SMIM35: variants seen among roughly 807,000 people sequenced by gnomAD.
SMIM35 encodes the protein TMPRSS4 antisense RNA 1 (non-protein coding).
At chr11:118,081,034 T>C (rs2135212370) in intron 1 of SMIM35, among the ~76,000 whole-genome samples, 1 of 152,344 alleles carries the variant, frequency 6.6e-6, no homozygotes, top group East Asian at 1.9e-4. Context: ...CTGTGTCTTT[T>C]CTGCTTTTAG....
At chr11:118,070,334 G>A (rs536646446) in intron 1 of SMIM35, among the ~76,000 whole-genome samples, 16 of 152,108 alleles carry the variant, frequency 1.1e-4, no homozygotes, top group African/African-American at 2.9e-4. Flanking sequence ...CTACCACCAC[G>A]CCCAGCTAAT....
At chr11:118,065,668 G>A (rs1565396832) in intron 1 of SMIM35, among the ~76,000 whole-genome samples, 1 of 152,102 alleles carries the variant, frequency 6.6e-6, no homozygotes, top group Non-Finnish European at 1.5e-5. Context: ...CATTTACATA[G>A]GGTGTACACT....
At chr11:118,031,662 C>T (rs1297449451) in intron 1 of SMIM35, among the ~76,000 whole-genome samples, 1 of 152,072 alleles carries the variant, frequency 6.6e-6, no homozygotes, top group Non-Finnish European at 1.5e-5. Flanking sequence ...GTTTACTGCA[C>T]AATGGCATAC....
chr11:118,079,483 C>T (rs891403667), intron 1 of SMIM35, among the ~76,000 whole-genome samples: 1 of 152,164 alleles, frequency 6.6e-6, no homozygotes, highest in Non-Finnish European at 1.5e-5. Context: ...GCCCTGTCCC[C>T]GAAGGAAATG....
intron 1 of SMIM35, among the ~76,000 whole-genome samples, chr11:118,080,777 C>A (rs2135209071): frequency 6.6e-6 from 1 of 152,320 alleles, no homozygotes; most frequent in East Asian, 1.9e-4. Context: ...CAGAAACGCC[C>A]CAGGGCAGCA....
chr11:118,027,329 C>CT (rs142012643), intron 1 of SMIM35, among the ~76,000 whole-genome samples: 14,980 of 148,168 alleles, frequency 0.1, 1,028 homozygotes, highest in East Asian at 0.36. Context: ...GCCCGGCCCA[C>CT]TTTTTTTTTT....
chr11:118,030,617 C>T (rs2058310379), intron 1 of SMIM35, among the ~76,000 whole-genome samples: 1 of 152,086 alleles, frequency 6.6e-6, no homozygotes, highest in Non-Finnish European at 1.5e-5. Context: ...TGGAGAAGGG[C>T]TGCTTAGCAC....
At chr11:118,075,548 G>A (rs904457154) in intron 1 of SMIM35, among the ~76,000 whole-genome samples, 1 of 152,190 alleles carries the variant, frequency 6.6e-6, no homozygotes, top group African/African-American at 2.4e-5. Flanking sequence ...AGAGAACCAG[G>A]TTCCAGCCCC....
At chr11:118,071,941 A>G (rs1944577822) in intron 1 of SMIM35, among the ~76,000 whole-genome samples, 1 of 152,168 alleles carries the variant, frequency 6.6e-6, no homozygotes, top group African/African-American at 2.4e-5. Context: ...ATGGGCACAC[A>G]TACCTTGAGC....
chr11:118,067,878 T>C (rs2135134639), intron 1 of SMIM35, among the ~76,000 whole-genome samples: 1 of 66,012 alleles, frequency 1.5e-5, no homozygotes, highest in Admixed American at 1.7e-4. Flanking sequence ...TATATATATA[T>C]ATATATATAT....
At chr11:118,038,084 C>G (rs1169963303) in intron 1 of SMIM35, among the ~76,000 whole-genome samples, 2 of 152,172 alleles carry the variant, frequency 1.3e-5, no homozygotes, top group Non-Finnish European at 2.9e-5. Context: ...TCCCACTGCT[C>G]AGACCTGTAG....
chr11:118,084,129 G>T (rs961480264), intron 1 of SMIM35, among the ~76,000 whole-genome samples: 2 of 152,126 alleles, frequency 1.3e-5, no homozygotes, highest in Non-Finnish European at 2.9e-5. Context: ...TTAGGAGGGA[G>T]ACTTACTGCA....
intron 1 of SMIM35, among the ~76,000 whole-genome samples, chr11:118,044,315 G>GAA (rs34422344): frequency 0.016 from 2,093 of 134,462 alleles, 29 homozygotes; most frequent in Non-Finnish European, 0.02. Context: ...TGGCAGAATT[G>GAA]AAAAAAAAAA....
chr11:118,050,843 G>C (rs1424810234), intron 1 of SMIM35, among the ~76,000 whole-genome samples: 3 of 152,180 alleles, frequency 2.0e-5, no homozygotes, highest in Non-Finnish European at 4.4e-5. Flanking sequence ...GATGCATCTT[G>C]AATCCCAGAC....
intron 1 of SMIM35, among the ~76,000 whole-genome samples, chr11:118,024,359 C>T (rs2058256858): frequency 1.3e-5 from 2 of 152,130 alleles, no homozygotes; most frequent in South Asian, 4.1e-4. Context: ...TTTAACTAAA[C>T]CATATGTATA....
chr11:118,021,906 A>G (rs769815811), intron 1 of SMIM35, among the ~76,000 whole-genome samples: 1 of 152,250 alleles, frequency 6.6e-6, no homozygotes, highest in African/African-American at 2.4e-5. Context: ...CAACACTGCC[A>G]GCTAACTTGA....
intron 1 of SMIM35, among the ~76,000 whole-genome samples, chr11:118,048,544 AGGAAGGAAGGAAGGAAGGAAGGAAGGAAG>A (rs1682684131): frequency 6.1e-5 from 1 of 16,422 alleles, no homozygotes; most frequent in African/African-American, 1.3e-4. Context: ...GAAAGAAGGA[AGGAAGGAAGGAAGGAAGGAAGGAAGGAAG>A]GAAGGAAGGA....
chr11:118,067,966 C>G (rs1258855890), intron 1 of SMIM35, among the ~76,000 whole-genome samples: 10 of 147,622 alleles, frequency 6.8e-5, no homozygotes, highest in African/African-American at 2.5e-4. Context: ...AGAAGTTTCT[C>G]TATTTTTTCG....
At chr11:118,029,332 T>C (rs1240693785) in intron 1 of SMIM35, among the ~76,000 whole-genome samples, 1 of 152,236 alleles carries the variant, frequency 6.6e-6, no homozygotes, top group Non-Finnish European at 1.5e-5. Context: ...GGCACACGCA[T>C]GTAGCCCCAG....
Sources: gnomAD v4.1 joint callset for allele counts (sites outside exome capture counted in the v4.1 genomes callset) on GRCh38, gnomAD v4.1.1 for gene constraint, MANE v1.5 for transcripts, NCBI Gene and HGNC (gene_info 2026-07-23, HGNC 2026-07-21) for gene names.